IDH2: variants seen among roughly 807,000 people sequenced by gnomAD.
IDH2 encodes isocitrate dehydrogenase (NADP(+)) 2.
IDH2 carries 18 observed loss-of-function variants against 50.5 expected under a neutral mutation model. That is an observed-to-expected ratio of 0.36 (90% confidence interval 0.25 to 0.53). The LOEUF (loss-of-function observed/expected upper bound fraction) is 0.53. IDH2 is among the 20% of genes least tolerant of loss of function. The probability of loss-of-function intolerance (pLI) is 0.92; values close to 1 mark genes in which losing one functional copy is unlikely to be tolerated. For synonymous variants in IDH2, 280 were observed against 239.8 expected, an observed-to-expected ratio of 1.17 and a Z score of -1.55; for missense variants, 518 against 610.7, an observed-to-expected ratio of 0.85 and a Z score of 1.60.
chr15:90,083,996 A>G lies in IDH2; in HGVS notation c.*270T>C. The G allele has an allele frequency of 1.9e-6, 1 of 530,528 alleles. No individual in the cohort carries two copies. The highest frequency in any genetic ancestry group is 3.4e-6 in the Non-Finnish European group (1 of 291,968). The allele number at this position is 530,528 out of a possible 1,614,324, so 32.9% of individuals were successfully genotyped here. A position where few individuals can be genotyped will look rare whatever the true frequency, so the allele number is the denominator to read the frequency against. On this transcript the variant is annotated 3_prime_UTR_variant, in exon 11 of 11. Transcript: ENST00000330062. ...CAGACAATTTTGTGAAGAGCTTTTT[A>G]GTAGCTAAATATGGCACCATGTGTT...
At chr15:90,086,295 T>C (rs892667157) in intron 7 of IDH2, among the ~76,000 whole-genome samples, 1 of 152,250 alleles carries the variant, frequency 6.6e-6, no homozygotes, top group Non-Finnish European at 1.5e-5. Flanking sequence ...ATGTCCTGCC[T>C]GTTTCCCACA....
rs1026879747 is a variant in IDH2 at position 90,091,458 on chromosome 15, G to T, written c.207+95C>A. 4 of 910,066 alleles carry T rather than the reference G, an allele frequency of 4.4e-6. No homozygotes were observed. The African/African-American group carries it at 4.9e-5, about 11-fold the overall frequency. 56.4% of individuals were successfully genotyped at this position (910,066 alleles called of 1,614,324 possible). ...CTGCTGCCTACCAGGACAACGGGGG[G>T]GTCCTAGGGACCTGCAGTCCAGAAG... On this transcript the variant is annotated intron_variant, in intron 2 of 10. Transcript: ENST00000330062.
intron 1 of IDH2, among the ~76,000 whole-genome samples, chr15:90,096,710 C>T (rs4516205): frequency 1.3e-5 from 2 of 151,794 alleles, no homozygotes; most frequent in Admixed American, 6.6e-5. Flanking sequence ...GTCAGAAGAT[C>T]GAGACCATCC....
chr15:90,099,054 A>G (rs550239016), intron 1 of IDH2, among the ~76,000 whole-genome samples: 1 of 151,980 alleles, frequency 6.6e-6, no homozygotes, highest in South Asian at 2.1e-4. Flanking sequence ...CCAGAATCCA[A>G]CCACTTCTTC....
chr15:90,091,473 C>G, intron 2 of IDH2, 80 bp downstream of exon 2: 2 of 1,060,096 alleles, frequency 1.9e-6, no homozygotes, highest in South Asian at 1.2e-5. Flanking sequence ...TAGGGACCTG[C>G]AGTCCAGAAG....
Position 90,088,374 on chromosome 15 carries a change from C to T in IDH2, c.663G>A (p.Met221Ile), listed in dbSNP as rs1696967375. The T allele has an allele frequency of 1.2e-6, 2 of 1,613,898 alleles. No individual in the cohort carries two copies. Among genetic ancestry groups the T allele is most frequent in the African/African-American group, 1.3e-5 (1 of 75,056 alleles). ...NFPAGGVGMG[M>I]YNTDESISGF... ...CCAGCCTCACCTCGTCGGTGTTGTA[C>T]ATGCCCATGCCCACGCCGCCTGCGG... Residue 221 changes from methionine (M) to isoleucine (I), a missense_variant, in exon 5 of 11, where the codon ATG becomes ATA. This residue lies in a region of IDH2 where 207 missense variants were observed against 208.6 expected (regional missense o/e 0.99). Transcript: ENST00000330062.
At chr15:90,093,540 A>G (rs1450527908) in intron 1 of IDH2, among the ~76,000 whole-genome samples, 2 of 152,196 alleles carry the variant, frequency 1.3e-5, no homozygotes, top group Non-Finnish European at 1.5e-5. Flanking sequence ...ATGCTGTACA[A>G]TGTGATTCCA....
rs2151549503 is a variant in IDH2 at position 90,088,587 on chromosome 15, C to A, written c.534G>T (p.Gln178His). 6.2e-7 allele frequency: 1 copy of A among 1,614,244 alleles called. No individual in the cohort carries two copies. Among genetic ancestry groups the A allele is most frequent in the Non-Finnish European group, 8.5e-7 (1 of 1,180,044 alleles). ...GGATCCCCTCTCCACCCTGGCCTAC[C>A]TGGTCGCCATGGGCGTGCCTGCCAA... Reference protein sequence around the residue: ...ITIGRHAHGDQYKATDFVADR... With the variant: ...ITIGRHAHGDHYKATDFVADR... The change falls in exon 4 of 11, where the codon CAG becomes CAT. Residue 178 changes from glutamine (Q) to histidine (H), a missense_variant and splice_region_variant. Physicochemically the swap from Gln to His is conservative, Grantham distance 24 (BLOSUM62 0). This residue lies in a region of IDH2 where 207 missense variants were observed against 208.6 expected (regional missense o/e 0.99). Coordinates refer to ENST00000330062, the MANE Select transcript of IDH2 (RefSeq NM_002168.4).
intron 1 of IDH2, among the ~76,000 whole-genome samples, chr15:90,097,826 T>G (rs1294152476): frequency 6.6e-6 from 1 of 152,166 alleles, no homozygotes; most frequent in East Asian, 1.9e-4. Flanking sequence ...TTTATACGTT[T>G]TTTACCAAAA....
intron 2 of IDH2, 95 bp downstream of exon 2, chr15:90,091,458 G>C (rs1026879747): frequency 1.1e-6 from 1 of 909,948 alleles, no homozygotes; most frequent in African/African-American, 1.6e-5. Flanking sequence ...ACAACGGGGG[G>C]GTCCTAGGGA....
At chr15:90,093,875 C>T (rs1251247837) in intron 1 of IDH2, among the ~76,000 whole-genome samples, 1 of 151,114 alleles carries the variant, frequency 6.6e-6, no homozygotes, top group Admixed American at 6.6e-5. Context: ...CCACTTTGGC[C>T]TCCCAAAGTG....
At chr15:90,086,761 C>T (rs376542739) in intron 7 of IDH2, among the ~76,000 whole-genome samples, 6 of 152,236 alleles carry the variant, frequency 3.9e-5, no homozygotes, top group South Asian at 2.1e-4. Flanking sequence ...AAAATGCATT[C>T]GCTGTAGTTT....
At chr15:90,101,466 T>C (rs1363670613) in intron 1 of IDH2, among the ~76,000 whole-genome samples, 1 of 152,104 alleles carries the variant, frequency 6.6e-6, no homozygotes, top group Admixed American at 6.5e-5. Flanking sequence ...GGCTAAGTCT[T>C]GCTTATTACG....
Position 90,085,324 on chromosome 15 carries a change from G to T in IDH2, c.1031C>A (p.Ala344Asp). The T allele has an allele frequency of 6.4e-7, 1 of 1,553,026 alleles. No homozygotes were observed. The highest frequency in any genetic ancestry group is 2.0e-5 in the Admixed American group (1 of 51,072). ...GGTGACGGTCCCATGAGCGGCCTCA[G>T]CCTCAATCGTCTTCCCATCAGGGCA... ...LVCPDGKTIE[A>D]EAAHGTVTRH... Residue 344 changes from alanine to aspartate, a missense_variant, in exon 8 of 11, where the codon GCT becomes GAT. Ala to Asp is a moderately radical substitution (Grantham distance 126). Around this residue, in one of 5 missense-constraint regions of IDH2, gnomAD observed 135 missense variants for 167.6 expected, o/e 0.81. Coordinates refer to ENST00000330062, the MANE Select transcript of IDH2 (RefSeq NM_002168.4). This position sits in a 1 kb window ranked among gnomAD's most constrained non-coding sequence, Gnocchi z 5.5.
chr15:90,084,462 C>T lies in IDH2; in HGVS notation c.1272-109G>A. The T allele has an allele frequency of 2.0e-6, 2 of 989,318 alleles. No individual in the cohort carries two copies. Among genetic ancestry groups the T allele is most frequent in the South Asian group, 2.7e-5 (2 of 73,106 alleles). 61.3% of individuals were successfully genotyped at this position (989,318 alleles called of 1,614,324 possible). ...AGCTTGGGCATCAGAACAGCCATCT[C>T]CTGCCACCCAGACTACAGGCCAGAG... is the stretch of plus-strand genomic sequence containing the variant. On this transcript the variant is annotated intron_variant, in intron 10 of 10. Transcript: ENST00000330062. This position sits in a 1 kb window ranked among gnomAD's most constrained non-coding sequence, Gnocchi z 5.0.
At chr15:90,090,099 CCT>C (rs1900992736) in intron 3 of IDH2, among the ~76,000 whole-genome samples, 1 of 152,200 alleles carries the variant, frequency 6.6e-6, no homozygotes, top group Non-Finnish European at 1.5e-5. Context: ...TCCTCCTCCT[CCT>C]CCTCAGCCCT....
intron 7 of IDH2, 142 bp downstream of exon 7, chr15:90,086,970 G>A: frequency 2.4e-6 from 2 of 844,508 alleles, no homozygotes; most frequent in Non-Finnish European, 3.9e-6. Context: ...ATGCCAGGGA[G>A]CTCCTGCCCC....
At chr15:90,089,192 G>A (rs1900964247) in intron 3 of IDH2, among the ~76,000 whole-genome samples, 1 of 152,098 alleles carries the variant, frequency 6.6e-6, no homozygotes, top group African/African-American at 2.4e-5. Context: ...GGGATTACAG[G>A]TGTGAGCCAC....
chr15:90,088,817 A>G, intron 3 of IDH2, 70 bp from the exon 4 acceptor site: 3 of 1,560,874 alleles, frequency 1.9e-6, no homozygotes, highest in Non-Finnish European at 2.6e-6. Context: ...AACCCCAAGC[A>G]ACAACACAGC....
Sources: allele counts gnomAD v4.1 joint callset (sites outside exome capture counted in the v4.1 genomes callset), GRCh38; gene constraint gnomAD v4.1.1; regional missense constraint gnomAD v4.1.1; non-coding constraint Gnocchi (gnomAD v3.1); transcripts MANE v1.5; gene names NCBI Gene and HGNC (gene_info 2026-07-23, HGNC 2026-07-21).